CFAP263: variants seen among roughly 807,000 people sequenced by gnomAD.
CFAP263 encodes the protein cilia and flagella associated protein 263.
the CFAP263 span, among the ~76,000 whole-genome samples, chr16:58,260,712 G>A: frequency 6.6e-6 from 1 of 152,112 alleles, no homozygotes; most frequent in East Asian, 1.9e-4. Flanking sequence ...TTGGGCACTG[G>A]TAGCATGCTC....
chr16:58,278,559 TTACG>T, the CFAP263 span: 10 of 1,614,028 alleles, frequency 6.2e-6, no homozygotes, highest in Non-Finnish European at 6.8e-6. Flanking sequence ...AGGTGATGAC[TTACG>T]TCCGGGAGAA....
At chr16:58,258,360 T>TC in the CFAP263 span, 2 of 1,613,306 alleles carry the variant, frequency 1.2e-6, no homozygotes, top group Non-Finnish European at 1.7e-6. Context: ...TTGTGCTGAC[T>TC]CCCCCAGGCG....
chr16:58,278,426 T>G, the CFAP263 span: 2 of 1,561,118 alleles, frequency 1.3e-6, no homozygotes, highest in Non-Finnish European at 1.8e-6. Context: ...GCCAGTGAGT[T>G]CTCAAAGCAA....
At chr16:58,267,678 G>A in the CFAP263 span, 1 of 764,452 alleles carries the variant, frequency 1.3e-6, no homozygotes, top group Non-Finnish European at 2.2e-6. Context: ...AAGCCACCTT[G>A]CTGGTTTATC....
At chr16:58,254,045 G>T in the CFAP263 span, 3 of 1,614,208 alleles carry the variant, frequency 1.9e-6, no homozygotes, top group South Asian at 3.3e-5. Flanking sequence ...TGGACCGTGG[G>T]GTAGGCCTGA....
chr16:58,266,567 G>C, the CFAP263 span, among the ~76,000 whole-genome samples: 1 of 151,858 alleles, frequency 6.6e-6, no homozygotes, highest in Non-Finnish European at 1.5e-5. Flanking sequence ...TCTGGTGGCA[G>C]AGCCTAGTTT....
At chr16:58,262,330 A>G in the CFAP263 span, 1 of 1,511,632 alleles carries the variant, frequency 6.6e-7, no homozygotes, top group African/African-American at 1.4e-5. Context: ...TGTGAGCCAT[A>G]CATTCAGAAT....
chr16:58,255,711 G>A, the CFAP263 span, among the ~76,000 whole-genome samples: 6 of 151,712 alleles, frequency 4.0e-5, no homozygotes, highest in Admixed American at 3.3e-4. Flanking sequence ...GGCTCCTGCC[G>A]CCACCACACC....
the CFAP263 span, chr16:58,278,614 G>A: frequency 1.9e-6 from 3 of 1,614,196 alleles, no homozygotes; most frequent in East Asian, 4.5e-5. Flanking sequence ...CAGGATGTGG[G>A]AAAGGAAAGT....
the CFAP263 span, chr16:58,267,520 C>G: frequency 1.2e-6 from 2 of 1,613,672 alleles, no homozygotes; most frequent in Non-Finnish European, 1.7e-6. Flanking sequence ...TCAATCTGGA[C>G]AAGGAGATCT....
the CFAP263 span, among the ~76,000 whole-genome samples, chr16:58,257,732 T>G: frequency 6.6e-6 from 1 of 152,098 alleles, no homozygotes; most frequent in Non-Finnish European, 1.5e-5. Context: ...TCTCTAGATG[T>G]AACTGTCATT....
the CFAP263 span, among the ~76,000 whole-genome samples, chr16:58,274,944 T>G: frequency 6.6e-6 from 1 of 152,188 alleles, no homozygotes; most frequent in African/African-American, 2.4e-5. Flanking sequence ...CCCTCACAGC[T>G]GTAGTACTTA....
chr16:58,267,641 G>A, the CFAP263 span: 2 of 1,118,180 alleles, frequency 1.8e-6, no homozygotes, highest in South Asian at 1.3e-5. Flanking sequence ...TGTTTATAAG[G>A]GCTTGAGTCA....
chr16:58,276,825 G>C, the CFAP263 span, among the ~76,000 whole-genome samples: 1 of 152,210 alleles, frequency 6.6e-6, no homozygotes, highest in East Asian at 1.9e-4. Flanking sequence ...AAAAGAATGA[G>C]TAAATTCTTC....
At chr16:58,253,371 ACT>A in the CFAP263 span, among the ~76,000 whole-genome samples, 1 of 151,692 alleles carries the variant, frequency 6.6e-6, no homozygotes, top group Non-Finnish European at 1.5e-5. Flanking sequence ...ACAGAGCAAG[ACT>A]CTGTCTCAAA....
chr16:58,263,275 A>G, the CFAP263 span, among the ~76,000 whole-genome samples: 3 of 152,206 alleles, frequency 2.0e-5, no homozygotes, highest in Admixed American at 6.5e-5. Context: ...GATTATAGAA[A>G]ACACTAACTT....
chr16:58,252,894 AC>A, the CFAP263 span: 2 of 1,602,160 alleles, frequency 1.2e-6, no homozygotes, highest in Non-Finnish European at 1.7e-6. Flanking sequence ...ATTGTTTGTC[AC>A]CTTAAATGCA....
chr16:58,279,684 T>C, the CFAP263 span: 1 of 1,579,750 alleles, frequency 6.3e-7, no homozygotes, highest in Non-Finnish European at 8.5e-7. Flanking sequence ...CTTTTTTTTT[T>C]TTGCAGATGT....
At chr16:58,278,726 T>C in the CFAP263 span, 3 of 1,167,710 alleles carry the variant, frequency 2.6e-6, no homozygotes, top group African/African-American at 4.5e-5. Context: ...AGAATACAGA[T>C]GTTTGGATAT....
Sources: gnomAD v4.1 joint callset for allele counts (sites outside exome capture counted in the v4.1 genomes callset) on GRCh38, gnomAD v4.1.1 for gene constraint, MANE v1.5 for transcripts, NCBI Gene and HGNC (gene_info 2026-07-23, HGNC 2026-07-21) for gene names.